ERCC4: variants seen among roughly 807,000 people sequenced by gnomAD.
The protein encoded by ERCC4 is DNA repair endonuclease XPF.
Under a neutral mutation model 76.9 loss-of-function variants are expected in ERCC4, and 65 were observed. The observed-to-expected ratio is 0.84, with a 90% CI of 0.69 to 1.04. ERCC4 has a LOEUF of 1.04. Among genes scored for constraint, ERCC4 ranks in the 50% least tolerant of loss-of-function variants. The probability of loss-of-function intolerance (pLI) is 0.00; values close to 1 mark genes in which losing one functional copy is unlikely to be tolerated. For missense variants in ERCC4, 1,214 were observed against 1,128.2 expected (o/e 1.08, Z -1.09); for synonymous variants, 463 against 410.1 (o/e 1.13, Z -1.56).
At chr16:13,947,315 T>TG (rs1426074880) in intron 10 of ERCC4, among the ~76,000 whole-genome samples, 1 of 152,182 alleles carries the variant, frequency 6.6e-6, no homozygotes, top group Non-Finnish European at 1.5e-5. Context: ...CAACAAAATG[T>TG]GGTCAGTGAG....
At position 13,951,621 on chromosome 16, in the gene ERCC4, T is replaced by C. The variant is rs943622809; in HGVS notation, c.*3274T>C. The stretch of plus-strand genomic sequence containing the variant: ...TCATGAGGGACTGAAAATAGTCTTA[T>C]TCATCAACCCACTAGGATGTGAAGG... On this transcript the variant is annotated 3_prime_UTR_variant, in exon 11 of 11. Transcript: ENST00000311895. 3 of 216,026 alleles carry C rather than the reference T, an allele frequency of 1.4e-5. No individual in the cohort carries two copies. Among genetic ancestry groups the C allele is most frequent in the African/African-American group, 6.8e-5 (3 of 44,356 alleles). The allele number at this position is 216,026 out of a possible 1,614,324, so 13.4% of individuals were successfully genotyped here.
At chr16:13,933,824 A>T (rs1394141210) in intron 6 of ERCC4, 1 of 174,036 alleles carries the variant, frequency 5.7e-6, no homozygotes, top group African/African-American at 2.4e-5. Flanking sequence ...CATGTTCAGG[A>T]TTATGAAAGT....
At position 13,935,338 on chromosome 16, in the gene ERCC4, C is replaced by T; in HGVS notation, c.1406C>T (p.Pro469Leu). The change falls in exon 8 of 11, where the codon CCT becomes CTT. Residue 469 changes from proline (P) to leucine (L), a missense_variant. Physicochemically the swap from Pro to Leu is moderately conservative, Grantham distance 98. Coordinates refer to ENST00000311895, the MANE Select transcript of ERCC4 (RefSeq NM_005236.3). ...SKRIRKSHKRPKDPQNKERAS... is the reference protein window; with the variant it reads ...SKRIRKSHKRLKDPQNKERAS... Reference sequence around the variant, plus strand: ...AGAATTAGGAAATCTCACAAAAGACCTAAAGACCCCCAAAACAAAGAACGG... The same window carrying T: ...AGAATTAGGAAATCTCACAAAAGACTTAAAGACCCCCAAAACAAAGAACGG... 2 of 1,612,138 alleles carry T rather than the reference C, an allele frequency of 1.2e-6. No homozygotes were observed. Among genetic ancestry groups the T allele is most frequent in the African/African-American group, 1.3e-5 (1 of 74,766 alleles).
rs1365115399 is a variant in ERCC4 at position 13,950,025 on chromosome 16, A to C, written c.*1678A>C. 5.3e-5 allele frequency: 11 copies of C among 205,900 alleles called. No individual in the cohort carries two copies. The highest frequency in any genetic ancestry group is 2.5e-4 in the African/African-American group (11 of 43,890). 12.8% of individuals were successfully genotyped at this position (205,900 alleles called of 1,614,324 possible). A position where few individuals can be genotyped will look rare whatever the true frequency, so the allele number is the denominator to read the frequency against. On this transcript the variant is annotated 3_prime_UTR_variant, in exon 11 of 11. Coordinates refer to ENST00000311895, the MANE Select transcript of ERCC4 (RefSeq NM_005236.3). ...TGCCCAGGCTGGAGTGCAGTGGCGC[A>C]ATCTCGGCTCACTGCAACCTCGCCT...
rs537527346 is a variant in ERCC4 at position 13,950,026 on chromosome 16, A to G, written c.*1679A>G. ...GCCCAGGCTGGAGTGCAGTGGCGCA[A>G]TCTCGGCTCACTGCAACCTCGCCTG... On this transcript the variant is annotated 3_prime_UTR_variant, in exon 11 of 11. Transcript: ENST00000311895. 5 of 205,038 alleles carry G rather than the reference A, an allele frequency of 2.4e-5. No homozygotes were observed. The highest frequency in any genetic ancestry group is 5.0e-5 in the Non-Finnish European group (5 of 100,386). 12.7% of individuals were successfully genotyped at this position (205,038 alleles called of 1,614,324 possible).
chr16:13,950,682 A>G lies in ERCC4; in HGVS notation c.*2335A>G, dbSNP rs1251448206. ...TTATAATGTCTCTTCACCCTATTCT[A>G]GCACTTCTGCTTGCAGTATGTGGTT... On this transcript the variant is annotated 3_prime_UTR_variant, in exon 11 of 11. Transcript: ENST00000311895. 4 of 194,214 alleles carry G rather than the reference A, an allele frequency of 2.1e-5. No individual in the cohort carries two copies. The East Asian group carries it at 3.3e-4, about 16-fold the overall frequency. 12.0% of individuals were successfully genotyped at this position (194,214 alleles called of 1,614,324 possible). A position where few individuals can be genotyped will look rare whatever the true frequency, so the allele number is the denominator to read the frequency against.
intron 2 of ERCC4, among the ~76,000 whole-genome samples, chr16:13,923,702 TA>T: frequency 6.6e-6 from 1 of 151,612 alleles, no homozygotes; most frequent in African/African-American, 2.4e-5. Context: ...ATTAAGTTAA[TA>T]AAATAATTTC....
rs780225844 is a variant in ERCC4, at chr16:13,935,636, G to T, written c.1704G>T (p.Arg568Ser). The T allele has an allele frequency of 2.5e-6, 4 of 1,614,012 alleles. No individual in the cohort carries two copies. The highest frequency in any genetic ancestry group is 3.4e-6 in the Non-Finnish European group (4 of 1,179,978). The part of the protein sequence containing the change: ...LGCSDPYALT[R>S]VLHEVEPRYV... ...GCAGCGACCCCTATGCTCTGACAAG[G>T]GTACTACATGAAGTGGAGCCAAGAT... Residue 568 changes from arginine (R) to serine (S), a missense_variant, in exon 8 of 11, where the codon AGG (arginine) becomes AGT (serine). Transcript: ENST00000311895.
At chr16:13,942,553 C>A (rs894814934) in intron 9 of ERCC4, among the ~76,000 whole-genome samples, 2 of 152,176 alleles carry the variant, frequency 1.3e-5, no homozygotes, top group Non-Finnish European at 1.5e-5. Context: ...CTGTTCTGAG[C>A]GCCTTGCATA....
At position 13,925,434 on chromosome 16, in the gene ERCC4, G is replaced by A. The variant is rs895180956; in HGVS notation, c.389-1127G>A. On this transcript the variant is annotated intron_variant, in intron 2 of 10. Coordinates refer to ENST00000311895, the MANE Select transcript of ERCC4 (RefSeq NM_005236.3). ...ATTAGTTATGTACGTGTATTGGGGG[G>A]GTTATTGAAAATCCTTTGTCTATGA... Among the ~76,000 whole-genome samples the A allele has an allele frequency of 4.6e-5, 7 of 151,994 alleles. No individual in the cohort carries two copies. The East Asian group carries it at 1.3e-3, about 29-fold the overall frequency.
In ERCC4 at chr16:13,951,486, T is replaced by G. The variant is rs1196889406; in HGVS notation, c.*3139T>G. 4.8e-6 allele frequency: 1 copy of G among 209,904 alleles called. No individual in the cohort carries two copies. The highest frequency in any genetic ancestry group is 9.7e-6 in the Non-Finnish European group (1 of 103,350). The allele number at this position is 209,904 out of a possible 1,614,324, so 13.0% of individuals were successfully genotyped here. A position where few individuals can be genotyped will look rare whatever the true frequency, so the allele number is the denominator to read the frequency against. On this transcript the variant is annotated 3_prime_UTR_variant, in exon 11 of 11. Transcript: ENST00000311895. ...TGCAAGAAGAAATCATTTTTAGTAG[T>G]GGTCATAAATATTATCCTTTTGGCA...
chr16:13,926,426 C>G (rs1231200702), intron 2 of ERCC4, 135 bp from the exon 3 acceptor site: 2 of 765,958 alleles, frequency 2.6e-6, no homozygotes, highest in East Asian at 2.5e-5. Flanking sequence ...GGATTTATCT[C>G]TGTTCTGTGC....
chr16:13,924,315 A>T (rs2032034344), intron 2 of ERCC4, among the ~76,000 whole-genome samples: 1 of 152,166 alleles, frequency 6.6e-6, no homozygotes, highest in African/African-American at 2.4e-5. Flanking sequence ...CTATATAAAT[A>T]TCTGGTGAGG....
At chr16:13,924,312 A>T (rs138807663) in intron 2 of ERCC4, among the ~76,000 whole-genome samples, 136 of 152,216 alleles carry the variant, frequency 8.9e-4, no homozygotes, top group Non-Finnish European at 1.4e-3. Flanking sequence ...GAACTATATA[A>T]ATATCTGGTG....
chr16:13,934,853 G>A, intron 7 of ERCC4: 1 of 317,314 alleles, frequency 3.2e-6, no homozygotes, highest in Non-Finnish European at 5.9e-6. Context: ...AGATCCTCTG[G>A]AAAAAAATAT....
chr16:13,933,383 C>G (rs1194398537), intron 6 of ERCC4: 2 of 154,048 alleles, frequency 1.3e-5, no homozygotes, highest in African/African-American at 2.4e-5. Flanking sequence ...GGGTTAATGC[C>G]TGCTTTCTGC....
chr16:13,926,487 C>T lies in ERCC4; in HGVS notation c.389-74C>T. On this transcript the variant is annotated intron_variant, in intron 2 of 10. Coordinates refer to ENST00000311895, the MANE Select transcript of ERCC4 (RefSeq NM_005236.3). The stretch of plus-strand genomic sequence containing the variant: ...GTGCTTATTCATTCTCTTGTAAGTA[C>T]TTAAGAAAAATGTGATGAATGAATG... 4 of 1,316,058 alleles carry T rather than the reference C, an allele frequency of 3.0e-6. No homozygotes were observed. The South Asian group carries it at 4.7e-5, about 16-fold the overall frequency. 81.5% of individuals were successfully genotyped at this position (1,316,058 alleles called of 1,614,324 possible). A position where few individuals can be genotyped will look rare whatever the true frequency, so the allele number is the denominator to read the frequency against.
In ERCC4 at chr16:13,951,977, T is replaced by TA; in HGVS notation, c.*3631dup. On this transcript the variant is annotated 3_prime_UTR_variant, in exon 11 of 11. Transcript: ENST00000311895. ...CACTTTTCTTTATTATTTTGTTTTC[T>TA]ATTTTGGTTTATAGCTATTTCTGGT... 4.8e-6 allele frequency: 1 copy of TA among 206,580 alleles called. No individual in the cohort carries two copies. Among genetic ancestry groups the TA allele is most frequent in the Non-Finnish European group, 9.9e-6 (1 of 101,288 alleles). 12.8% of individuals were successfully genotyped at this position (206,580 alleles called of 1,614,324 possible). A position where few individuals can be genotyped will look rare whatever the true frequency, so the allele number is the denominator to read the frequency against.
At position 13,928,233 on chromosome 16, in the gene ERCC4, A is replaced by G. The variant is rs1463126902; in HGVS notation, c.790A>G (p.Lys264Glu). 1 of 1,600,180 alleles carries G rather than the reference A, an allele frequency of 6.2e-7. No homozygotes were observed. The highest frequency in any genetic ancestry group is 8.6e-7 in the Non-Finnish European group (1 of 1,167,974). ...AAATGCTATTGGAAAACCTTTTGAC[A>G]AGGTACTCTTTTTCCTTTTAAGCAC... Reference protein sequence around the residue: ...LENAIGKPFDKTIRHYLDPLW... With the variant: ...LENAIGKPFDETIRHYLDPLW... Residue 264 changes from lysine to glutamate, a missense_variant and splice_region_variant, in exon 4 of 11, where the codon AAG (lysine) becomes GAG (glutamate). Physicochemically the swap from Lys to Glu is moderately conservative, Grantham distance 56. Transcript: ENST00000311895.
Sources: gnomAD v4.1 joint callset for allele counts (sites outside exome capture counted in the v4.1 genomes callset) on GRCh38, gnomAD v4.1.1 for gene constraint, MANE v1.5 for transcripts, NCBI Gene and HGNC (gene_info 2026-07-23, HGNC 2026-07-21) for gene names.